The following MAPK10 variants were observed in gnomAD, a reference collection of about 807,000 sequenced individuals.
The protein encoded by MAPK10 is JNK3 alpha protein kinase.
In MAPK10, 25 loss-of-function variants were observed where a neutral mutation model predicts 59.3. That is an observed-to-expected ratio of 0.42 (90% CI 0.31 to 0.59). MAPK10 has a LOEUF of 0.59. Among genes scored for constraint, MAPK10 ranks in the 20% least tolerant of loss-of-function variants. The probability of loss-of-function intolerance (pLI) is 0.15; values close to 1 mark genes in which losing one functional copy is unlikely to be tolerated. For synonymous variants in MAPK10, 190 were observed against 200.5 expected, an observed-to-expected ratio of 0.95 and a Z score of 0.44; for missense variants, 351 against 568.9, an observed-to-expected ratio of 0.62 and a Z score of 3.90.
chr4:86,312,879 A>C (rs2095698038), intron 2 of MAPK10, among the ~76,000 whole-genome samples: 1 of 152,134 alleles, frequency 6.6e-6, no homozygotes, highest in African/African-American at 2.4e-5. Context: ...CATTAGTGTA[A>C]GGAACACAAA....
Position 86,111,688 on chromosome 4 carries a change from C to CT in MAPK10, c.237-4337dup, listed in dbSNP as rs530710471. ...ATCAGGGATATTGGCCTGAAGTTTT[C>CT]TTTTTTTTGTTATATCTCTGCCAGG... is the stretch of plus-strand genomic sequence containing the variant. On this transcript the variant is annotated intron_variant, in intron 4 of 13. Transcript: ENST00000641462. Among the ~76,000 whole-genome samples the CT allele has an allele frequency of 1.2e-4, 18 of 151,878 alleles. No homozygotes were observed. In the East Asian group the frequency reaches 2.1e-3, roughly 18 times the overall value.
chr4:86,311,252 A>G (rs778247267), intron 2 of MAPK10, among the ~76,000 whole-genome samples: 1 of 152,122 alleles, frequency 6.6e-6, no homozygotes, highest in Non-Finnish European at 1.5e-5. Flanking sequence ...AAGGAGGAGA[A>G]AGTTATAAAC....
At chr4:86,034,179 A>G (rs955355414) in intron 11 of MAPK10, among the ~76,000 whole-genome samples, 2 of 152,226 alleles carry the variant, frequency 1.3e-5, no homozygotes, top group Non-Finnish European at 2.9e-5. Flanking sequence ...GAGGACATTA[A>G]AGATAGTATA....
At chr4:86,438,124 G>A (rs1748982322) in intron 1 of MAPK10, among the ~76,000 whole-genome samples, 1 of 152,138 alleles carries the variant, frequency 6.6e-6, no homozygotes, top group African/African-American at 2.4e-5. Flanking sequence ...AAATGGGGGA[G>A]GAGGGATTAT....
chr4:86,270,164 G>A (rs903720534), intron 2 of MAPK10, among the ~76,000 whole-genome samples: 7 of 151,940 alleles, frequency 4.6e-5, no homozygotes, highest in African/African-American at 1.7e-4. Flanking sequence ...GAAATTGAAT[G>A]CAAAATTCTA....
chr4:86,157,056 C>T (rs1056079241), intron 4 of MAPK10, among the ~76,000 whole-genome samples: 1 of 151,946 alleles, frequency 6.6e-6, no homozygotes, highest in Admixed American at 6.6e-5. Flanking sequence ...CATTTTTGAC[C>T]TACCATCAAT....
At chr4:86,106,879 T>C (rs2056637357) in intron 5 of MAPK10, 1 of 156,486 alleles carries the variant, frequency 6.4e-6, no homozygotes, top group African/African-American at 2.4e-5. Flanking sequence ...AAATGTAGCA[T>C]GGTGCTTTGT....
chr4:86,554,376 C>T (rs1760092219), intron 1 of MAPK10, among the ~76,000 whole-genome samples: 1 of 152,094 alleles, frequency 6.6e-6, no homozygotes, highest in South Asian at 2.1e-4. Context: ...GTTAATTTGG[C>T]TATCACAAGG....
intron 10 of MAPK10, among the ~76,000 whole-genome samples, chr4:86,066,626 G>A (rs1039546765): frequency 6.6e-6 from 1 of 151,934 alleles, no homozygotes; most frequent in Admixed American, 6.6e-5. Flanking sequence ...TTAGCTGGGC[G>A]TGGTGGCGGG....
chr4:86,110,779 G>A lies in MAPK10; in HGVS notation c.237-3427C>T, dbSNP rs143733148. On this transcript the variant is annotated intron_variant, in intron 4 of 13. Coordinates refer to ENST00000641462, the MANE Select transcript of MAPK10 (RefSeq NM_138982.4). ...TCTAATTCTGTGAAGAATGTCAATG[G>A]TAGTTTAATGGGAATTGCATTGAAT... is the stretch of plus-strand genomic sequence containing the variant. Among the ~76,000 whole-genome samples the A allele has an allele frequency of 2.2e-3, 328 of 152,254 alleles. 1 individual carries two copies. Among genetic ancestry groups the A allele is most frequent in the Middle Eastern group, 6.8e-3 (2 of 294 alleles).
At chr4:86,311,413 T>G (rs1315420157) in intron 2 of MAPK10, among the ~76,000 whole-genome samples, 3 of 152,168 alleles carry the variant, frequency 2.0e-5, no homozygotes, top group Non-Finnish European at 4.4e-5. Context: ...ACCTTTAGGA[T>G]AGTTCTTGTT....
At chr4:86,385,241 T>C (rs1376077848) in intron 1 of MAPK10, among the ~76,000 whole-genome samples, 1 of 152,182 alleles carries the variant, frequency 6.6e-6, no homozygotes, top group Non-Finnish European at 1.5e-5. Context: ...GGGGAAAGAA[T>C]TGGCAAATTC....
At chr4:86,434,726 A>T (rs1748486059) in intron 1 of MAPK10, among the ~76,000 whole-genome samples, 1 of 152,242 alleles carries the variant, frequency 6.6e-6, no homozygotes, top group Non-Finnish European at 1.5e-5. Context: ...ACTATGGAGG[A>T]CAGTAGGAAG....
chr4:86,070,521 C>A (rs557006846), intron 9 of MAPK10, among the ~76,000 whole-genome samples: 34 of 150,836 alleles, frequency 2.3e-4, no homozygotes, highest in African/African-American at 8.0e-4. Context: ...AGGTATATCT[C>A]CCAATGCTAT....
chr4:86,531,469 C>T (rs1757847883), intron 1 of MAPK10, among the ~76,000 whole-genome samples: 1 of 152,052 alleles, frequency 6.6e-6, no homozygotes. Flanking sequence ...ATAAACTTGT[C>T]AGTGAAGAAT....
intron 1 of MAPK10, among the ~76,000 whole-genome samples, chr4:86,406,098 G>T (rs1224710380): frequency 2.0e-5 from 3 of 152,168 alleles, no homozygotes; most frequent in Admixed American, 6.5e-5. Flanking sequence ...AAGAATACAG[G>T]TAAAGGAGAG....
chr4:86,376,732 T>C (rs932884276), intron 1 of MAPK10, among the ~76,000 whole-genome samples: 21 of 152,328 alleles, frequency 1.4e-4, no homozygotes, highest in African/African-American at 4.6e-4. Context: ...CCATTCACTT[T>C]CCCAAAGCTA....
intron 2 of MAPK10, chr4:86,332,394 G>C (rs2096174845): frequency 6.6e-6 from 1 of 151,944 alleles, no homozygotes; most frequent in African/African-American, 2.4e-5. Flanking sequence ...TGTGGATTTA[G>C]GATTGGGAAG....
chr4:86,554,823 G>A (rs1760128932), intron 1 of MAPK10, among the ~76,000 whole-genome samples: 1 of 152,094 alleles, frequency 6.6e-6, no homozygotes, highest in Non-Finnish European at 1.5e-5. Flanking sequence ...TTTTGTATGG[G>A]CACAATGCCC....
Sources: allele counts gnomAD v4.1 joint callset (sites outside exome capture counted in the v4.1 genomes callset), GRCh38; gene constraint gnomAD v4.1.1; transcripts MANE v1.5; gene names NCBI Gene and HGNC (gene_info 2026-07-23, HGNC 2026-07-21).